TG: variants seen among roughly 807,000 people sequenced by gnomAD.
The protein encoded by TG is thyroglobulin, also known as thyroid hormones.
A neutral mutation model predicts 324.7 loss-of-function variants in TG; 270 were observed. That is an observed-to-expected ratio of 0.83 (90% CI 0.75 to 0.92). TG has a LOEUF of 0.92. Ranked by LOEUF, TG falls within the 40% of genes least tolerant of loss-of-function variation. TG has a pLI of 0.00. For missense variants in TG, 3,591 were observed against 3,456.4 expected, an observed-to-expected ratio of 1.04 and a Z score of -0.98; for synonymous variants, 1,401 against 1,327.0, an observed-to-expected ratio of 1.06 and a Z score of -1.21.
At chr8:132,917,872 T>G (rs1820573849) in intron 20 of TG, among the ~76,000 whole-genome samples, 1 of 143,110 alleles carries the variant, frequency 7.0e-6, no homozygotes, top group Admixed American at 7.3e-5. Flanking sequence ...GGTGCAAAAG[T>G]AATTACGGTT....
Position 132,897,770 on chromosome 8 carries a change from G to T in TG, c.3123G>T (p.Gln1041His). The change falls in exon 12 of 48, where the codon CAG (glutamine) becomes CAT (histidine). Residue 1041 changes from glutamine (Q) to histidine (H), a missense_variant. Gln to His is a conservative substitution (Grantham distance 24, BLOSUM62 0). Coordinates refer to ENST00000220616, the MANE Select transcript of TG (RefSeq NM_003235.5). Reference protein sequence around the residue: ...CDAFGSWEPVQCHAGTGHCWC... With the variant: ...CDAFGSWEPVHCHAGTGHCWC... ...CGTTTGGAAGTTGGGAGCCTGTGCAGTGCCACGCTGGGACTGGTAAGGAGG... is the reference window on the plus strand; with the variant it reads ...CGTTTGGAAGTTGGGAGCCTGTGCATTGCCACGCTGGGACTGGTAAGGAGG... 2 of 1,614,252 alleles carry T rather than the reference G, an allele frequency of 1.2e-6. No homozygotes were observed. Among genetic ancestry groups the T allele is most frequent in the Non-Finnish European group, 1.7e-6 (2 of 1,180,044 alleles).
intron 11 of TG, among the ~76,000 whole-genome samples, chr8:132,896,399 G>T (rs766441668): frequency 6.6e-6 from 1 of 152,184 alleles, no homozygotes; most frequent in Non-Finnish European, 1.5e-5. Flanking sequence ...AAGCTCTCTC[G>T]TCTGGAGCCA....
chr8:132,950,041 G>C (rs1825887551), intron 27 of TG, among the ~76,000 whole-genome samples: 1 of 152,218 alleles, frequency 6.6e-6, no homozygotes, highest in African/African-American at 2.4e-5. Context: ...CAGCCCTCAG[G>C]GTGGGTCCCA....
chr8:132,896,565 GC>G (rs1817131400), intron 11 of TG, among the ~76,000 whole-genome samples: 1 of 152,286 alleles, frequency 6.6e-6, no homozygotes, highest in Admixed American at 6.5e-5. Context: ...TGGAGAAAGA[GC>G]TCAGGCGACA....
At chr8:133,001,502 C>T (rs947676263) in intron 35 of TG, among the ~76,000 whole-genome samples, 4 of 152,184 alleles carry the variant, frequency 2.6e-5, no homozygotes, top group African/African-American at 4.8e-5. Context: ...CACAACATTA[C>T]AAGGATGTCT....
chr8:132,898,793 C>T lies in TG; in HGVS notation c.3218-5C>T. On this transcript the variant is annotated splice_polypyrimidine_tract_variant and splice_region_variant and intron_variant, in intron 13 of 47. Coordinates refer to ENST00000220616, the MANE Select transcript of TG (RefSeq NM_003235.5). ...GTCCTTTACAAGCACCTCTCTCTCC[C>T]ACAGGCCCGACAACCTGCGAGAAAT... The T allele has an allele frequency of 6.2e-7, 1 of 1,613,806 alleles. No homozygotes were observed. The highest frequency in any genetic ancestry group is 2.2e-5 in the East Asian group (1 of 44,882).
At chr8:133,071,881 T>C (rs578039872) in intron 41 of TG, among the ~76,000 whole-genome samples, 2 of 152,312 alleles carry the variant, frequency 1.3e-5, no homozygotes, top group East Asian at 3.9e-4. Context: ...ATGTCTATTA[T>C]ATTCCTCAAT....
chr8:132,995,187 C>T (rs1832753854), intron 35 of TG: 1 of 954,158 alleles, frequency 1.0e-6, no homozygotes, highest in Admixed American at 6.4e-5. Flanking sequence ...AGTCACTGCA[C>T]TGCTCTAAGC....
intron 41 of TG, among the ~76,000 whole-genome samples, chr8:133,089,824 C>G (rs565392849): frequency 2.6e-5 from 4 of 152,154 alleles, no homozygotes; most frequent in Admixed American, 1.3e-4. Context: ...CCTGCCCACT[C>G]CCCCTCGGAA....
intron 41 of TG, chr8:133,050,134 C>T (rs75507286): frequency 4.0e-5 from 27 of 668,756 alleles, no homozygotes; most frequent in African/African-American, 7.2e-5. Context: ...ACCCATATTT[C>T]GTCATCTGAA....
chr8:132,986,303 G>GTA (rs1398916723), intron 35 of TG, among the ~76,000 whole-genome samples: 27 of 150,000 alleles, frequency 1.8e-4, no homozygotes, highest in South Asian at 1.1e-3. Flanking sequence ...ATATTGCATT[G>GTA]TATATATATA....
intron 35 of TG, among the ~76,000 whole-genome samples, chr8:133,004,860 A>T (rs1213841532): frequency 1.3e-5 from 2 of 152,166 alleles, no homozygotes; most frequent in South Asian, 4.1e-4. Flanking sequence ...ACTCATGATC[A>T]GGAGGCCCTT....
At chr8:132,983,822 T>A (rs1232748705) in intron 35 of TG, 2 of 330,308 alleles carry the variant, frequency 6.1e-6, no homozygotes, top group Admixed American at 4.5e-5. Flanking sequence ...AGTTGGAGCT[T>A]ACAGTTATCG....
chr8:133,095,213 G>A lies in TG; in HGVS notation c.7404+5G>A, dbSNP rs747285764. On this transcript the variant is annotated splice_donor_5th_base_variant and intron_variant, in intron 42 of 47. Coordinates refer to ENST00000220616, the MANE Select transcript of TG (RefSeq NM_003235.5). ...CTCAATGATGCCCAGACCAAGGTGA[G>A]CACTTAAGTGCAAGTTGGGAAGGGA... is the stretch of plus-strand genomic sequence containing the variant. 1.9e-6 allele frequency: 3 copies of A among 1,614,226 alleles called. No homozygotes were observed. Among genetic ancestry groups the A allele is most frequent in the Non-Finnish European group, 2.5e-6 (3 of 1,180,038 alleles).
chr8:133,095,400 G>A (rs1235124587), intron 42 of TG, among the ~76,000 whole-genome samples, 192 bp downstream of exon 42: 3 of 151,768 alleles, frequency 2.0e-5, no homozygotes, highest in Non-Finnish European at 2.9e-5. Flanking sequence ...GTCCAAACAT[G>A]GGCACTGAGG....
At chr8:132,910,372 C>T (rs1183858213) in intron 18 of TG, among the ~76,000 whole-genome samples, 1 of 152,182 alleles carries the variant, frequency 6.6e-6, no homozygotes, top group African/African-American at 2.4e-5. Flanking sequence ...TTCTAAAACC[C>T]TCCAGTCACT....
intron 30 of TG, among the ~76,000 whole-genome samples, chr8:132,967,137 CCATCCATCCAT>C (rs1828698862): frequency 2.0e-5 from 3 of 150,352 alleles, no homozygotes; most frequent in South Asian, 4.2e-4. Context: ...ATCCATCCAT[CCATCCATCCAT>C]CCATCCACCC....
At chr8:132,978,536 C>G (rs1041290951) in intron 34 of TG, among the ~76,000 whole-genome samples, 4 of 152,150 alleles carry the variant, frequency 2.6e-5, no homozygotes, top group African/African-American at 9.7e-5. Context: ...GAGAATTACA[C>G]CGTGATGTGG....
intron 47 of TG, among the ~76,000 whole-genome samples, chr8:133,134,325 GGGCTGT>G (rs1852191371): frequency 6.6e-6 from 1 of 152,134 alleles, no homozygotes; most frequent in South Asian, 2.1e-4. Context: ...AGGTGATGCT[GGGCTGT>G]GGTTTTTAGA....
Sources: gnomAD v4.1 joint callset for allele counts (sites outside exome capture counted in the v4.1 genomes callset) on GRCh38, gnomAD v4.1.1 for gene constraint, MANE v1.5 for transcripts, NCBI Gene and HGNC (gene_info 2026-07-23, HGNC 2026-07-21) for gene names.